Variants in KHDRBS3 observed in about 807,000 individuals in gnomAD.
KHDRBS3 encodes the protein KH domain-containing, RNA-binding, signal transduction-associated protein 3.
A neutral mutation model predicts 45.6 loss-of-function variants in KHDRBS3; 23 were observed. The ratio of observed to expected loss-of-function variants is 0.50; its 90% CI spans 0.36 to 0.72. KHDRBS3 has a LOEUF of 0.72. Among genes scored for constraint, KHDRBS3 ranks in the 30% least tolerant of loss-of-function variants. KHDRBS3 has a pLI of 0.00. For missense variants in KHDRBS3, 352 were observed against 424.8 expected (o/e 0.83, Z 1.51); for synonymous variants, 162 against 156.5 (o/e 1.04, Z -0.26).
chr8:135,596,332 A>G (rs1437048784), intron 6 of KHDRBS3, among the ~76,000 whole-genome samples: 1 of 152,210 alleles, frequency 6.6e-6, no homozygotes, highest in African/African-American at 2.4e-5. Context: ...TCTAGAGCCC[A>G]GAGAAGTTTT....
chr8:135,492,178 G>C (rs1823187748), intron 1 of KHDRBS3, among the ~76,000 whole-genome samples: 1 of 152,102 alleles, frequency 6.6e-6, no homozygotes, highest in Non-Finnish European at 1.5e-5. Context: ...CTATGATCCA[G>C]TAATATGAGA....
chr8:135,546,044 C>T (rs771844308), intron 3 of KHDRBS3, among the ~76,000 whole-genome samples: 4 of 151,694 alleles, frequency 2.6e-5, no homozygotes, highest in Admixed American at 1.3e-4. Context: ...TGCTGAGACA[C>T]GAGAATTGCT....
intron 1 of KHDRBS3, among the ~76,000 whole-genome samples, chr8:135,520,996 GTTTTTCTCCTCTGTTGGTA>G (rs1468575364): frequency 1.3e-5 from 2 of 152,144 alleles, no homozygotes; most frequent in Non-Finnish European, 2.9e-5. Flanking sequence ...TATCTGGTCT[GTTTTTCTCCTCTGTTGGTA>G]TGAGCAGTTG....
chr8:135,523,335 A>T (rs980273142), intron 2 of KHDRBS3, among the ~76,000 whole-genome samples: 1 of 152,252 alleles, frequency 6.6e-6, no homozygotes, highest in African/African-American at 2.4e-5. Context: ...GGAGTTTTGT[A>T]TGTCTTTTGT....
intron 1 of KHDRBS3, among the ~76,000 whole-genome samples, chr8:135,469,294 GTTT>G (rs1035769485): frequency 6.6e-6 from 1 of 151,942 alleles, no homozygotes; most frequent in South Asian, 2.1e-4. Flanking sequence ...AGGACCGTCT[GTTT>G]TTTTTGAGAC....
rs575658113 is a variant in KHDRBS3, at chr8:135,532,617, A to T, written c.208-10037A>T. On this transcript the variant is annotated intron_variant, in intron 2 of 8. Transcript: ENST00000355849. ...CATTATTCTAAGCACTTTACTATTA[A>T]CTCATTTAATCTTTATAACATAAGA... Among the ~76,000 whole-genome samples, 7 of 152,176 alleles carry T rather than the reference A, an allele frequency of 4.6e-5. No individual in the cohort carries two copies. In the South Asian group the frequency reaches 1.2e-3, roughly 27 times the overall value.
intron 7 of KHDRBS3, among the ~76,000 whole-genome samples, chr8:135,643,400 G>T (rs890730690): frequency 1.3e-5 from 2 of 152,182 alleles, no homozygotes; most frequent in Non-Finnish European, 2.9e-5. Flanking sequence ...AAAAGAATGA[G>T]AACCAGGGCA....
At chr8:135,559,591 G>A (rs1002974816) in intron 5 of KHDRBS3, among the ~76,000 whole-genome samples, 1 of 152,096 alleles carries the variant, frequency 6.6e-6, no homozygotes, top group Non-Finnish European at 1.5e-5. Flanking sequence ...TCTAACTCCT[G>A]ACCTCGTGAT....
At chr8:135,471,176 T>G (rs2130205820) in intron 1 of KHDRBS3, among the ~76,000 whole-genome samples, 1 of 152,266 alleles carries the variant, frequency 6.6e-6, no homozygotes, top group East Asian at 1.9e-4. Flanking sequence ...CTGTCTTAGG[T>G]AGGGCACCAT....
chr8:135,509,837 T>C (rs1192709652), intron 1 of KHDRBS3, among the ~76,000 whole-genome samples: 1 of 152,174 alleles, frequency 6.6e-6, no homozygotes, highest in Non-Finnish European at 1.5e-5. Context: ...CTGAGTAGTG[T>C]TTGGAATTTT....
intron 7 of KHDRBS3, among the ~76,000 whole-genome samples, chr8:135,619,368 TA>T (rs1830044944): frequency 6.6e-6 from 1 of 150,952 alleles, no homozygotes; most frequent in African/African-American, 2.4e-5. Context: ...ACATTGGAAA[TA>T]AAAAATACAT....
rs183058028 is a variant in KHDRBS3, at chr8:135,518,667, G to T, written c.89-2570G>T. Among the ~76,000 whole-genome samples, 407 of 152,300 alleles carry T rather than the reference G, an allele frequency of 2.7e-3. 2 individuals carry two copies. Among genetic ancestry groups the T allele is most frequent in the Non-Finnish European group, 4.7e-3 (323 of 68,028 alleles). On this transcript the variant is annotated intron_variant, in intron 1 of 8. Coordinates refer to ENST00000355849, the MANE Select transcript of KHDRBS3 (RefSeq NM_006558.3). ...GATTTATTTTCTTCTAATTAAAGCT[G>T]AAGTCATGAATTGTTATACCCGGAG...
chr8:135,579,528 G>A (rs1334714055), intron 5 of KHDRBS3, among the ~76,000 whole-genome samples: 2 of 152,090 alleles, frequency 1.3e-5, no homozygotes, highest in Admixed American at 6.5e-5. Flanking sequence ...GTAGAGACGG[G>A]GTTTCACCAT....
At chr8:135,534,757 T>C (rs1426805802) in intron 2 of KHDRBS3, among the ~76,000 whole-genome samples, 1 of 152,204 alleles carries the variant, frequency 6.6e-6, no homozygotes, top group African/African-American at 2.4e-5. Flanking sequence ...ACTCTGCATC[T>C]CGCTTACCTG....
intron 1 of KHDRBS3, among the ~76,000 whole-genome samples, chr8:135,499,194 C>T (rs965916989): frequency 5.3e-5 from 8 of 152,028 alleles, no homozygotes; most frequent in East Asian, 1.9e-4. Context: ...GATGTGCATA[C>T]GGGAAATATA....
At position 135,499,757 on chromosome 8, in the gene KHDRBS3, G is replaced by T. The variant is rs567950716; in HGVS notation, c.89-21480G>T. Among the ~76,000 whole-genome samples, 25 of 152,260 alleles carry T rather than the reference G, an allele frequency of 1.6e-4. No homozygotes were observed. The East Asian group carries it at 4.4e-3, about 27-fold the overall frequency. On this transcript the variant is annotated intron_variant, in intron 1 of 8. Transcript: ENST00000355849. ...CTTTCTGAGTTTTTAACCCTGCCAGGAGGGAGGAGGTTGCTCTGAATTTTT... is the reference window on the plus strand; with the variant it reads ...CTTTCTGAGTTTTTAACCCTGCCAGTAGGGAGGAGGTTGCTCTGAATTTTT...
At chr8:135,494,446 T>A (rs1243923786) in intron 1 of KHDRBS3, among the ~76,000 whole-genome samples, 1 of 151,934 alleles carries the variant, frequency 6.6e-6, no homozygotes, top group Admixed American at 6.6e-5. Flanking sequence ...GCCCAGCTAC[T>A]TTTTTGCATT....
At position 135,521,361 on chromosome 8, in the gene KHDRBS3, A is replaced by C; in HGVS notation, c.207+6A>C. On this transcript the variant is annotated splice_donor_region_variant and intron_variant, in intron 2 of 8. Transcript: ENST00000355849. ...CCGTAAAACAGTTCCCTAAGGTAAG[A>C]CAGTGAGGTCTACACTGCAGGTATT... 1 of 1,487,596 alleles carries C rather than the reference A, an allele frequency of 6.7e-7. No homozygotes were observed. The highest frequency in any genetic ancestry group is 9.4e-7 in the Non-Finnish European group (1 of 1,065,422). The allele number at this position is 1,487,596 out of a possible 1,614,324, so 92.1% of individuals were successfully genotyped here. A position where few individuals can be genotyped will look rare whatever the true frequency, so the allele number is the denominator to read the frequency against.
chr8:135,481,987 G>T (rs1050965921), intron 1 of KHDRBS3, among the ~76,000 whole-genome samples: 4 of 152,164 alleles, frequency 2.6e-5, no homozygotes, highest in East Asian at 3.9e-4. Flanking sequence ...TCCCGTCCTG[G>T]TGTTTGGTTG....
Sources: gnomAD v4.1 joint callset for allele counts (sites outside exome capture counted in the v4.1 genomes callset) on GRCh38, gnomAD v4.1.1 for gene constraint, MANE v1.5 for transcripts, NCBI Gene and HGNC (gene_info 2026-07-23, HGNC 2026-07-21) for gene names.